GALK2: variants seen among roughly 807,000 people sequenced by gnomAD.
GALK2 encodes N-acetylgalactosamine kinase.
GALK2 carries 36 observed loss-of-function variants against 52.4 expected under a neutral mutation model. That is an observed-to-expected ratio of 0.69 (90% CI 0.53 to 0.91). The LOEUF (loss-of-function observed/expected upper bound fraction) is 0.91, where lower values mean the gene tolerates loss of function less well. Among genes scored for constraint, GALK2 ranks in the 40% least tolerant of loss-of-function variants. The pLI, the probability that GALK2 is intolerant of heterozygous loss-of-function variation, is 0.00. For synonymous variants in GALK2, 176 were observed against 199.1 expected (o/e 0.88, Z 0.98); for missense variants, 579 against 559.1 (o/e 1.04, Z -0.36).
At chr15:49,210,973 T>TCACACACACACACA (rs3075099) in intron 2 of GALK2, among the ~76,000 whole-genome samples, 2,302 of 146,594 alleles carry the variant, frequency 0.016, 65 homozygotes, top group African/African-American at 0.051. Flanking sequence ...ACACACACAC[T>TCACACACACACACA]CACACACACA....
chr15:49,350,609 G>A (rs942937798), intron 3 of GALK2, among the ~76,000 whole-genome samples: 1 of 152,070 alleles, frequency 6.6e-6, no homozygotes, highest in Non-Finnish European at 1.5e-5. Flanking sequence ...AAGAACAAAT[G>A]GTTCATCTCT....
intron 1 of GALK2, among the ~76,000 whole-genome samples, chr15:49,171,082 CTTTTTTTT>C (rs201895577): frequency 3.1e-5 from 4 of 129,918 alleles, no homozygotes; most frequent in African/African-American, 1.1e-4. Flanking sequence ...TTTTCTTTTT[CTTTTTTTT>C]TTTTTTTTTG....
chr15:49,356,382 G>T (rs1300994567), intron 3 of GALK2, among the ~76,000 whole-genome samples: 1 of 150,026 alleles, frequency 6.7e-6, no homozygotes, highest in Non-Finnish European at 1.5e-5. Flanking sequence ...TAAAAGGATG[G>T]AGGAAGATCT....
At chr15:49,236,639 C>T (rs1281582286) in intron 4 of GALK2, among the ~76,000 whole-genome samples, 1 of 152,122 alleles carries the variant, frequency 6.6e-6, no homozygotes, top group African/African-American at 2.4e-5. Context: ...TTGATATTTG[C>T]TGTTTTTAGA....
In GALK2 at chr15:49,324,156, A is replaced by C. The variant is rs544273134; in HGVS notation, c.1170-3796A>C. 1.1e-4 allele frequency among the ~76,000 whole-genome samples: 16 copies of C among 152,288 alleles called. No homozygotes were observed. In the South Asian group the frequency reaches 3.3e-3, roughly 32 times the overall value. On this transcript the variant is annotated intron_variant, in intron 9 of 9. Coordinates refer to ENST00000560031, the MANE Select transcript of GALK2 (RefSeq NM_002044.4). Reference sequence around the variant, plus strand: ...CACTTGTTGAAGTTAGAGAGGATTAATTGCTGCATTATCGCCCAAGCTATT... The same window carrying C: ...CACTTGTTGAAGTTAGAGAGGATTACTTGCTGCATTATCGCCCAAGCTATT...
chr15:49,264,151 A>G (rs2092260130), intron 5 of GALK2, among the ~76,000 whole-genome samples: 1 of 151,600 alleles, frequency 6.6e-6, no homozygotes, highest in Non-Finnish European at 1.5e-5. Flanking sequence ...CCTGGATAAT[A>G]TCCTGCAGAG....
intron 3 of GALK2, chr15:49,366,685 CGGACTGGT>C: frequency 6.7e-7 from 1 of 1,501,546 alleles, no homozygotes; most frequent in Non-Finnish European, 9.2e-7. Context: ...GCGGCCCCAT[CGGACTGGT>C]GGGTGGCGGG....
chr15:49,247,550 T>A (rs912123321), intron 5 of GALK2, among the ~76,000 whole-genome samples: 8 of 152,340 alleles, frequency 5.3e-5, no homozygotes, highest in African/African-American at 9.6e-5. Flanking sequence ...TGACCATCTA[T>A]CTCATACAAA....
At chr15:49,234,755 A>G (rs2090700208) in intron 3 of GALK2, among the ~76,000 whole-genome samples, 1 of 152,044 alleles carries the variant, frequency 6.6e-6, no homozygotes. Context: ...GGACACAGCC[A>G]AACCATATCA....
At chr15:49,155,805 G>C in exon 1 of GALK2, 2 of 698,762 alleles carry the variant, frequency 2.9e-6, no homozygotes, top group East Asian at 5.4e-5. Flanking sequence ...ACTAAAGCTG[G>C]CAACTGGGAC....
intron 3 of GALK2, among the ~76,000 whole-genome samples, chr15:49,222,596 C>T (rs530627641): frequency 5.9e-5 from 9 of 152,186 alleles, no homozygotes; most frequent in East Asian, 3.9e-4. Context: ...GAGTTTTTAT[C>T]GTGAAAGGAT....
intron 1 of GALK2, among the ~76,000 whole-genome samples, chr15:49,191,360 A>G (rs1423936408): frequency 2.0e-5 from 3 of 152,136 alleles, no homozygotes; most frequent in African/African-American, 7.2e-5. Context: ...GGAAAGTCAG[A>G]TAACAACTTA....
At chr15:49,207,261 G>A (rs769309370) in intron 2 of GALK2, among the ~76,000 whole-genome samples, 9 of 152,128 alleles carry the variant, frequency 5.9e-5, no homozygotes, top group Non-Finnish European at 1.0e-4. Context: ...AAGGATTTTA[G>A]CATCTATGTT....
chr15:49,247,310 G>A (rs1393692785), intron 5 of GALK2, among the ~76,000 whole-genome samples: 3 of 152,258 alleles, frequency 2.0e-5, no homozygotes, highest in Middle Eastern at 3.4e-3. Flanking sequence ...CATTCTAAGC[G>A]TAATGGAAAA....
At chr15:49,211,330 CTG>C (rs1388835291) in intron 2 of GALK2, among the ~76,000 whole-genome samples, 2 of 152,196 alleles carry the variant, frequency 1.3e-5, no homozygotes, top group African/African-American at 2.4e-5. Flanking sequence ...ACCTCTTTAG[CTG>C]GGACTTCATT....
rs946435214 is a variant in GALK2 at position 49,222,225 on chromosome 15, TG to T, written c.266+4913del. ...GTTCATTATTGATGTATTGAAATGC[TG>T]CAAATTTTTGTATGTTGGTTTTTTA... On this transcript the variant is annotated intron_variant, in intron 3 of 9. Coordinates refer to ENST00000560031, the MANE Select transcript of GALK2 (RefSeq NM_002044.4). 1.1e-3 allele frequency among the ~76,000 whole-genome samples: 160 copies of T among 151,574 alleles called. 1 individual carries two copies. The highest frequency in any genetic ancestry group is 3.8e-3 in the African/African-American group (157 of 40,958).
chr15:49,364,210 C>G (rs951895623), intron 3 of GALK2, among the ~76,000 whole-genome samples: 22 of 152,230 alleles, frequency 1.4e-4, no homozygotes, highest in African/African-American at 5.3e-4. Context: ...CTTTATATAT[C>G]TGGTGGAATT....
intron 3 of GALK2, among the ~76,000 whole-genome samples, chr15:49,359,663 T>C (rs865834198): frequency 2.2e-4 from 29 of 134,080 alleles, no homozygotes; most frequent in African/African-American, 6.2e-4. Flanking sequence ...AGTTCAACCC[T>C]TGTGGAAGTC....
intron 3 of GALK2, among the ~76,000 whole-genome samples, chr15:49,339,785 G>A (rs1442232800): frequency 6.6e-6 from 1 of 152,210 alleles, no homozygotes; most frequent in Non-Finnish European, 1.5e-5. Context: ...ATAAGTCCCT[G>A]ATTGGGGCTG....
Sources: gnomAD v4.1 joint callset for allele counts (sites outside exome capture counted in the v4.1 genomes callset) on GRCh38, gnomAD v4.1.1 for gene constraint, MANE v1.5 for transcripts, NCBI Gene and HGNC (gene_info 2026-07-23, HGNC 2026-07-21) for gene names.